The following SSBP2 variants were observed in gnomAD, a reference collection of about 807,000 sequenced individuals.
The protein encoded by SSBP2 is single-stranded DNA-binding protein 2.
In SSBP2, 17 loss-of-function variants were observed where a neutral mutation model predicts 61.8. The observed-to-expected ratio is 0.28, with a 90% CI of 0.19 to 0.41. SSBP2 has a LOEUF of 0.41. Among genes scored for constraint, SSBP2 ranks in the 10% least tolerant of loss-of-function variants. The pLI, the probability that SSBP2 is intolerant of heterozygous loss-of-function variation, is 1.00. For synonymous variants in SSBP2, 139 were observed against 141.3 expected (o/e 0.98, Z 0.12); for missense variants, 310 against 458.7 (o/e 0.68, Z 2.96).
chr5:81,679,174 A>T (rs898941099), intron 1 of SSBP2, among the ~76,000 whole-genome samples: 3 of 152,114 alleles, frequency 2.0e-5, no homozygotes, highest in Admixed American at 6.5e-5. Context: ...ACACCCAGCT[A>T]ATTTTTGTAT....
chr5:81,634,580 GTAAA>G (rs1452674539), intron 3 of SSBP2, among the ~76,000 whole-genome samples: 15 of 152,306 alleles, frequency 9.8e-5, no homozygotes, highest in African/African-American at 3.6e-4. Context: ...TTGACAAGAT[GTAAA>G]TAAACAGTAT....
chr5:81,538,330 G>C (rs531723992), intron 4 of SSBP2, among the ~76,000 whole-genome samples: 229 of 152,290 alleles, frequency 1.5e-3, no homozygotes, highest in Non-Finnish European at 3.0e-3. Context: ...TGAGTGGTAA[G>C]AGAGCAGCAG....
chr5:81,664,782 G>C (rs1750973735), intron 1 of SSBP2, among the ~76,000 whole-genome samples: 1 of 152,038 alleles, frequency 6.6e-6, no homozygotes, highest in Non-Finnish European at 1.5e-5. Context: ...TGTTTTCTTT[G>C]TTGTGTTTTA....
intron 1 of SSBP2, among the ~76,000 whole-genome samples, chr5:81,662,954 T>C (rs888530429): frequency 1.3e-5 from 2 of 152,226 alleles, no homozygotes; most frequent in African/African-American, 4.8e-5. Context: ...TAATTAGGTA[T>C]CTACAACAGA....
In SSBP2 at chr5:81,419,977, T is replaced by A. The variant is rs780092569; in HGVS notation, c.*527A>T. The A allele has an allele frequency of 2.6e-5, 4 of 152,624 alleles. No homozygotes were observed. Among genetic ancestry groups the A allele is most frequent in the Non-Finnish European group, 4.4e-5 (3 of 68,106 alleles). The allele number at this position is 152,624 out of a possible 1,614,324, so 9.5% of individuals were successfully genotyped here. A position where few individuals can be genotyped will look rare whatever the true frequency, so the allele number is the denominator to read the frequency against. Reference sequence around the variant, plus strand: ...AAGCGATTTTATTCCTATCCATGATTGCAGACATTTACAAAACCATAACAT... The same window carrying A: ...AAGCGATTTTATTCCTATCCATGATAGCAGACATTTACAAAACCATAACAT... On this transcript the variant is annotated 3_prime_UTR_variant, in exon 17 of 17. Coordinates refer to ENST00000320672, the MANE Select transcript of SSBP2 (RefSeq NM_012446.5).
At chr5:81,455,316 T>G (rs1217776535) in intron 10 of SSBP2, among the ~76,000 whole-genome samples, 1 of 152,018 alleles carries the variant, frequency 6.6e-6, no homozygotes, top group Non-Finnish European at 1.5e-5. Flanking sequence ...TACCTTCTCT[T>G]TATCCCTAAA....
intron 4 of SSBP2, among the ~76,000 whole-genome samples, chr5:81,609,045 T>C (rs1745181171): frequency 6.6e-6 from 1 of 152,184 alleles, no homozygotes; most frequent in Non-Finnish European, 1.5e-5. Context: ...ACTGAAATGC[T>C]TTGGTTAAAA....
chr5:81,507,479 TAAAAG>T (rs1354726667), intron 5 of SSBP2, among the ~76,000 whole-genome samples: 1 of 152,086 alleles, frequency 6.6e-6, no homozygotes, highest in Non-Finnish European at 1.5e-5. Context: ...AAATACATGA[TAAAAG>T]AAAACAAAGG....
intron 1 of SSBP2, among the ~76,000 whole-genome samples, chr5:81,675,503 G>A (rs1262534018): frequency 1.3e-5 from 2 of 152,118 alleles, no homozygotes; most frequent in Non-Finnish European, 2.9e-5. Context: ...GGTACAAGTG[G>A]AATAGATACC....
intron 15 of SSBP2, among the ~76,000 whole-genome samples, chr5:81,432,988 G>C (rs917439554): frequency 2.0e-5 from 3 of 150,178 alleles, no homozygotes; most frequent in East Asian, 4.0e-4. Flanking sequence ...GAGGTGGGGG[G>C]GGTCAGACTC....
At chr5:81,623,458 C>A (rs112684759) in intron 3 of SSBP2, among the ~76,000 whole-genome samples, 7,818 of 151,554 alleles carry the variant, frequency 0.052, 344 homozygotes, top group African/African-American at 0.12. Flanking sequence ...GCCTCAGCCT[C>A]CCGAGTAGCT....
intron 1 of SSBP2, among the ~76,000 whole-genome samples, chr5:81,717,847 C>T (rs1436544544): frequency 2.0e-5 from 3 of 152,180 alleles, no homozygotes; most frequent in Non-Finnish European, 2.9e-5. Context: ...AGCCATAAGA[C>T]ATAAAACCTG....
intron 4 of SSBP2, among the ~76,000 whole-genome samples, chr5:81,548,091 C>A (rs1343353009): frequency 1.3e-5 from 2 of 152,156 alleles, no homozygotes; most frequent in African/African-American, 4.8e-5. Context: ...GCCAACAATT[C>A]TCTGAGCCTT....
At chr5:81,589,887 G>C (rs1775363749) in intron 4 of SSBP2, among the ~76,000 whole-genome samples, 1 of 152,056 alleles carries the variant, frequency 6.6e-6, no homozygotes, top group South Asian at 2.1e-4. Context: ...GAGAGAGAGA[G>C]AGAGATCAAA....
intron 4 of SSBP2, among the ~76,000 whole-genome samples, chr5:81,561,827 A>C (rs1242389209): frequency 6.6e-6 from 1 of 152,150 alleles, no homozygotes; most frequent in African/African-American, 2.4e-5. Flanking sequence ...AAACTCACTA[A>C]AGCAATGTCA....
At chr5:81,566,806 A>C (rs1773455960) in intron 4 of SSBP2, among the ~76,000 whole-genome samples, 1 of 152,186 alleles carries the variant, frequency 6.6e-6, no homozygotes, top group South Asian at 2.1e-4. Flanking sequence ...GTGGCCTCAG[A>C]GGGAGATGAG....
chr5:81,632,199 TTAAA>T (rs1258986211), intron 3 of SSBP2, among the ~76,000 whole-genome samples: 1 of 152,260 alleles, frequency 6.6e-6, no homozygotes, highest in African/African-American at 2.4e-5. Context: ...TTCATCATTA[TTAAA>T]TGTGTAATAA....
chr5:81,442,672 G>T lies in SSBP2; in HGVS notation c.830C>A (p.Pro277His). 1 of 1,581,804 alleles carries T rather than the reference G, an allele frequency of 6.3e-7. No individual in the cohort carries two copies. Among genetic ancestry groups the T allele is most frequent in the Admixed American group, 1.8e-5 (1 of 54,412 alleles). ...ATTTACATTAGGTCTGTTAGGTCCA[G>T]GAGGTACTGCATTCATTAAAGTATA... Residue 277 changes from proline (P) to histidine (H), a missense_variant, in exon 13 of 17, where the codon CCT becomes CAT. Transcript: ENST00000320672.
intron 4 of SSBP2, among the ~76,000 whole-genome samples, chr5:81,557,500 C>T (rs80135441): frequency 6.6e-6 from 1 of 152,096 alleles, no homozygotes; most frequent in Non-Finnish European, 1.5e-5. Flanking sequence ...TTTGAGGATA[C>T]CCCAGAGCTC....
Sources: gnomAD v4.1 joint callset for allele counts (sites outside exome capture counted in the v4.1 genomes callset) on GRCh38, gnomAD v4.1.1 for gene constraint, MANE v1.5 for transcripts, NCBI Gene and HGNC (gene_info 2026-07-23, HGNC 2026-07-21) for gene names.